SLC35F4: variants seen among roughly 807,000 people sequenced by gnomAD.
SLC35F4 encodes chromosome 14 open reading frame 36.
SLC35F4 carries 24 observed loss-of-function variants against 44.2 expected under a neutral mutation model. The observed-to-expected ratio is 0.54, with a 90% CI of 0.39 to 0.76. The LOEUF (loss-of-function observed/expected upper bound fraction) is 0.76. Ranked by LOEUF, SLC35F4 falls within the 30% of genes least tolerant of loss-of-function variation. The pLI, the probability that SLC35F4 is intolerant of heterozygous loss-of-function variation, is 0.00. For missense variants in SLC35F4, 562 were observed against 586.1 expected, an observed-to-expected ratio of 0.96 and a Z score of 0.42; for synonymous variants, 238 against 223.6, an observed-to-expected ratio of 1.06 and a Z score of -0.57.
intron 1 of SLC35F4, among the ~76,000 whole-genome samples, chr14:57,802,802 C>G (rs1324425451): frequency 6.6e-6 from 1 of 151,986 alleles, no homozygotes; most frequent in Non-Finnish European, 1.5e-5. Flanking sequence ...ATAACAAGTT[C>G]TGAAATTGAG....
intron 1 of SLC35F4, among the ~76,000 whole-genome samples, chr14:57,664,630 C>T (rs2074247467): frequency 6.6e-6 from 1 of 152,076 alleles, no homozygotes; most frequent in African/African-American, 2.4e-5. Flanking sequence ...AAGCTGGTCT[C>T]GAACTCCTGA....
chr14:57,666,253 A>C (rs931481828), intron 1 of SLC35F4, among the ~76,000 whole-genome samples: 1 of 152,222 alleles, frequency 6.6e-6, no homozygotes, highest in Non-Finnish European at 1.5e-5. Flanking sequence ...GAGACCCAGA[A>C]CTTGAATTTA....
intron 1 of SLC35F4, among the ~76,000 whole-genome samples, chr14:57,730,105 G>T (rs771789191): frequency 6.6e-6 from 1 of 152,176 alleles, no homozygotes; most frequent in Admixed American, 6.5e-5. Context: ...GGGTAGTGCT[G>T]GTGATTCAAG....
At chr14:57,910,107 G>A (rs1188473617) in intron 1 of SLC35F4, among the ~76,000 whole-genome samples, 2 of 151,946 alleles carry the variant, frequency 1.3e-5, no homozygotes, top group Non-Finnish European at 2.9e-5. Context: ...CTTTGGTGAG[G>A]TATCTGTTCA....
chr14:57,613,442 C>T (rs1305134978), intron 1 of SLC35F4, among the ~76,000 whole-genome samples: 1 of 152,150 alleles, frequency 6.6e-6, no homozygotes, highest in Non-Finnish European at 1.5e-5. Flanking sequence ...CCCTGTCCTC[C>T]CCCAACAATG....
At chr14:57,867,571 T>C (rs566826261), upstream of SLC35F4, among the ~76,000 whole-genome samples, 1 of 150,054 alleles carries the variant, frequency 6.7e-6, no homozygotes, top group African/African-American at 2.5e-5. Context: ...GCTAGCCATA[T>C]AAAGCAAAAA....
intron 3 of SLC35F4, among the ~76,000 whole-genome samples, chr14:57,584,703 G>GA (rs1384182562): frequency 1.3e-5 from 2 of 152,120 alleles, no homozygotes; most frequent in East Asian, 1.9e-4. Flanking sequence ...GAGAGATGTG[G>GA]AAAAAATGAA....
At chr14:57,617,127 A>ATTATTTT (rs1566688809) in intron 1 of SLC35F4, among the ~76,000 whole-genome samples, 3 of 64,120 alleles carry the variant, frequency 4.7e-5, no homozygotes, top group Non-Finnish European at 1.1e-4. Context: ...AACTGTACTT[A>ATTATTTT]TTCTTTTTTT....
chr14:57,877,666 T>C (rs981370373), intron 1 of SLC35F4, among the ~76,000 whole-genome samples: 5 of 149,400 alleles, frequency 3.3e-5, no homozygotes, highest in Non-Finnish European at 4.4e-5. Context: ...GCATCTGTTA[T>C]TTTTTGACTT....
intron 1 of SLC35F4, among the ~76,000 whole-genome samples, chr14:57,667,476 C>T (rs1022457868): frequency 1.4e-5 from 2 of 148,082 alleles, no homozygotes; most frequent in Admixed American, 6.8e-5. Flanking sequence ...TAATGCTATC[C>T]CTCCTCCCTC....
At chr14:57,605,507 G>C (rs535275028) in intron 1 of SLC35F4, among the ~76,000 whole-genome samples, 2 of 152,094 alleles carry the variant, frequency 1.3e-5, no homozygotes, top group Non-Finnish European at 2.9e-5. Flanking sequence ...ACTGTTGGTG[G>C]GAATGCAAAT....
chr14:57,650,585 G>A lies in SLC35F4; in HGVS notation c.104-56461C>T, dbSNP rs190642995. Among the ~76,000 whole-genome samples, 39 of 152,206 alleles carry A rather than the reference G, an allele frequency of 2.6e-4. No homozygotes were observed. The East Asian group carries it at 7.1e-3, about 28-fold the overall frequency. ...CAGACCACTACGATAATCTGCTAAT[G>A]GGTCTCTGCCTCCAGACCCTCTTTT... is the stretch of plus-strand genomic sequence containing the variant. On this transcript the variant is annotated intron_variant, in intron 1 of 7. Transcript: ENST00000556826.
intron 1 of SLC35F4, among the ~76,000 whole-genome samples, chr14:57,676,155 G>T (rs1297755760): frequency 1.3e-5 from 2 of 152,032 alleles, no homozygotes; most frequent in African/African-American, 4.8e-5. Context: ...GGCAAAGGTT[G>T]ATTCCATGTC....
intron 1 of SLC35F4, among the ~76,000 whole-genome samples, chr14:57,981,449 G>C (rs1249924235): frequency 1.3e-5 from 2 of 152,126 alleles, no homozygotes; most frequent in African/African-American, 4.8e-5. Context: ...TTCATGGTGA[G>C]GCTGGGAAAA....
chr14:57,816,127 T>C (rs1882560248), intron 1 of SLC35F4, among the ~76,000 whole-genome samples: 2 of 152,188 alleles, frequency 1.3e-5, no homozygotes, highest in East Asian at 1.9e-4. Context: ...ACTTCACATA[T>C]CTGCAATCCA....
intron 1 of SLC35F4, among the ~76,000 whole-genome samples, chr14:57,741,339 TG>T (rs2140512340): frequency 6.6e-6 from 1 of 151,986 alleles, no homozygotes; most frequent in South Asian, 2.1e-4. Context: ...CTAAAAACCT[TG>T]AAAAAAGATT....
chr14:57,834,561 G>A (rs931032778), intron 1 of SLC35F4, among the ~76,000 whole-genome samples: 8 of 152,326 alleles, frequency 5.3e-5, no homozygotes, highest in Non-Finnish European at 1.5e-5. Flanking sequence ...CCTAATTTCT[G>A]TTGCCAGTGA....
chr14:57,817,664 G>A (rs1457418265), intron 1 of SLC35F4, among the ~76,000 whole-genome samples: 1 of 152,112 alleles, frequency 6.6e-6, no homozygotes, highest in Admixed American at 6.6e-5. Context: ...ATGCAGTGGG[G>A]ATAGGGGAGG....
At chr14:57,857,545 T>C (rs1308943487) in intron 1 of SLC35F4, among the ~76,000 whole-genome samples, 1 of 152,044 alleles carries the variant, frequency 6.6e-6, no homozygotes, top group Non-Finnish European at 1.5e-5. Context: ...GAACTAAATA[T>C]TTCATTCGTT....
Sources: allele counts gnomAD v4.1 joint callset (sites outside exome capture counted in the v4.1 genomes callset), GRCh38; gene constraint gnomAD v4.1.1; transcripts MANE v1.5; gene names NCBI Gene and HGNC (gene_info 2026-07-23, HGNC 2026-07-21).